The following FGF14 variants were observed in gnomAD, a reference collection of about 807,000 sequenced individuals.
FGF14 encodes the protein fibroblast growth factor homologous factor 4.
Under a neutral mutation model 25.5 loss-of-function variants are expected in FGF14, and 5 were observed. The observed-to-expected ratio is 0.20, with a 90% CI of 0.10 to 0.41. FGF14 has a LOEUF of 0.41. FGF14 is among the 10% of genes least tolerant of loss of function. The probability of loss-of-function intolerance (pLI) is 1.00; values close to 1 mark genes in which losing one functional copy is unlikely to be tolerated. For synonymous variants in FGF14, 138 were observed against 118.3 expected (o/e 1.17, Z -1.08); for missense variants, 222 against 320.1 (o/e 0.69, Z 2.34).
intron 1 of FGF14, among the ~76,000 whole-genome samples, chr13:102,207,533 T>C (rs937077768): frequency 2.7e-5 from 4 of 150,478 alleles, no homozygotes; most frequent in African/African-American, 9.8e-5. Context: ...TGAAAAGCAT[T>C]TGAAAAATGC....
chr13:101,863,125 T>C (rs1325870033), intron 3 of FGF14, among the ~76,000 whole-genome samples: 2 of 152,276 alleles, frequency 1.3e-5, no homozygotes, highest in Middle Eastern at 3.4e-3. Flanking sequence ...TCATAGATTG[T>C]TATAATAATT....
intron 1 of FGF14, among the ~76,000 whole-genome samples, chr13:101,901,797 A>G (rs921392645): frequency 6.6e-6 from 1 of 152,198 alleles, no homozygotes; most frequent in African/African-American, 2.4e-5. Context: ...AAGTACTACT[A>G]CTACCATAGA....
At chr13:102,274,638 C>A (rs780363189) in intron 1 of FGF14, among the ~76,000 whole-genome samples, 3 of 151,970 alleles carry the variant, frequency 2.0e-5, no homozygotes, top group Non-Finnish European at 2.9e-5. Flanking sequence ...TTAAAGAATG[C>A]AGCTTGTTTA....
At chr13:101,734,282 T>C (rs189887996) in intron 3 of FGF14, among the ~76,000 whole-genome samples, 14 of 152,188 alleles carry the variant, frequency 9.2e-5, no homozygotes, top group African/African-American at 3.1e-4. Context: ...GTCAATTAAA[T>C]TGACATTAGT....
rs997158024 is a variant in FGF14, at chr13:102,337,765, C to T, written c.208+63706G>A. Reference sequence around the variant, plus strand: ...ACGACCACCCTGACCAGTCAGCAGCCATCAACATAAAGGCGAGACTCTCCA... The same window carrying T: ...ACGACCACCCTGACCAGTCAGCAGCTATCAACATAAAGGCGAGACTCTCCA... On this transcript the variant is annotated intron_variant, in intron 1 of 4. Transcript: ENST00000376131. Among the ~76,000 whole-genome samples, 3 of 152,106 alleles carry T rather than the reference C, an allele frequency of 2.0e-5. No homozygotes were observed. In the South Asian group the frequency reaches 6.2e-4, roughly 32 times the overall value.
intron 1 of FGF14, among the ~76,000 whole-genome samples, chr13:101,911,950 G>A (rs900616015): frequency 1.3e-5 from 2 of 150,582 alleles, no homozygotes; most frequent in Admixed American, 1.3e-4. Context: ...CAAGCATGTG[G>A]TCTTTGTATG....
intron 1 of FGF14, among the ~76,000 whole-genome samples, chr13:102,064,413 G>A (rs772356588): frequency 1.2e-4 from 18 of 152,006 alleles, no homozygotes; most frequent in South Asian, 2.1e-4. Flanking sequence ...AATTGAAAAC[G>A]TAACTAAAAA....
chr13:102,120,509 C>T (rs916202563), intron 1 of FGF14, among the ~76,000 whole-genome samples: 3 of 152,158 alleles, frequency 2.0e-5, no homozygotes, highest in Non-Finnish European at 4.4e-5. Context: ...CCAGTGTTTT[C>T]ACTAGAAGAG....
chr13:102,254,564 C>T (rs552142421), intron 1 of FGF14, among the ~76,000 whole-genome samples: 60 of 152,190 alleles, frequency 3.9e-4, no homozygotes, highest in Non-Finnish European at 7.2e-4. Context: ...CCATTTGAGG[C>T]TATCTGTAAG....
At chr13:101,988,080 A>G (rs566059073) in intron 1 of FGF14, among the ~76,000 whole-genome samples, 1 of 152,240 alleles carries the variant, frequency 6.6e-6, no homozygotes, top group East Asian at 1.9e-4. Context: ...GGAAAATACA[A>G]TAATTTAGTT....
chr13:102,390,554 G>GGTTTTATACTCAGATCTTTCA (rs1379985471), intron 1 of FGF14, among the ~76,000 whole-genome samples: 19 of 152,246 alleles, frequency 1.2e-4, no homozygotes, highest in African/African-American at 4.3e-4. Context: ...ACTTGGTTTT[G>GGTTTTATACTCAGATCTTTCA]GTTTTATACT....
intron 1 of FGF14, among the ~76,000 whole-genome samples, chr13:101,904,027 T>C (rs971613176): frequency 2.0e-5 from 3 of 152,162 alleles, no homozygotes; most frequent in Non-Finnish European, 4.4e-5. Flanking sequence ...TACACTACTG[T>C]CTCAATGTTC....
chr13:102,265,376 A>G (rs2052937537), intron 1 of FGF14, among the ~76,000 whole-genome samples: 1 of 152,144 alleles, frequency 6.6e-6, no homozygotes, highest in South Asian at 2.1e-4. Flanking sequence ...GCAAGCATGG[A>G]CACACTGATA....
At chr13:102,014,463 A>G (rs180863559) in intron 1 of FGF14, among the ~76,000 whole-genome samples, 6 of 152,316 alleles carry the variant, frequency 3.9e-5, no homozygotes, top group African/African-American at 1.4e-4. Context: ...GATTGTGTCT[A>G]TATTTTAAGC....
chr13:101,835,732 G>T (rs1187712188), intron 3 of FGF14, among the ~76,000 whole-genome samples: 3 of 151,990 alleles, frequency 2.0e-5, no homozygotes, highest in Admixed American at 2.0e-4. Context: ...GGAGAGAATG[G>T]TTAGGGCACT....
At chr13:102,221,799 C>A (rs1027211318) in intron 1 of FGF14, among the ~76,000 whole-genome samples, 14 of 152,114 alleles carry the variant, frequency 9.2e-5, no homozygotes, top group African/African-American at 3.4e-4. Flanking sequence ...TATTTTATGT[C>A]ATTGCTTAAT....
intron 1 of FGF14, among the ~76,000 whole-genome samples, chr13:102,376,107 C>G (rs2058034326): frequency 6.6e-6 from 1 of 152,140 alleles, no homozygotes; most frequent in South Asian, 2.1e-4. Flanking sequence ...TGTCCCTACC[C>G]AAATTTCACC....
intron 3 of FGF14, among the ~76,000 whole-genome samples, chr13:101,861,505 C>G (rs2044413397): frequency 6.6e-6 from 1 of 151,984 alleles, no homozygotes; most frequent in African/African-American, 2.4e-5. Flanking sequence ...TTTTAAATAT[C>G]TCTGATTTTT....
chr13:102,283,304 A>T (rs2053938539), intron 1 of FGF14, among the ~76,000 whole-genome samples: 2 of 152,214 alleles, frequency 1.3e-5, no homozygotes. Context: ...TAGCGACATG[A>T]TCTTATGCTC....
Sources: gnomAD v4.1 joint callset for allele counts (sites outside exome capture counted in the v4.1 genomes callset) on GRCh38, gnomAD v4.1.1 for gene constraint, MANE v1.5 for transcripts, NCBI Gene and HGNC (gene_info 2026-07-23, HGNC 2026-07-21) for gene names.